The following HFM1 variants were observed in gnomAD, a reference collection of about 807,000 sequenced individuals.
HFM1 encodes the protein probable ATP-dependent DNA helicase HFM1.
A neutral mutation model predicts 192.1 loss-of-function variants in HFM1; 169 were observed. The ratio of observed to expected loss-of-function variants is 0.88; its 90% confidence interval spans 0.78 to 1.00. HFM1 has a LOEUF of 1.00. Ranked by LOEUF, HFM1 falls within the 50% of genes least tolerant of loss-of-function variation. The pLI is 0.00. For synonymous variants in HFM1, 525 were observed against 537.8 expected, an observed-to-expected ratio of 0.98 and a Z score of 0.33; for missense variants, 1,661 against 1,668.0, an observed-to-expected ratio of 1.00 and a Z score of 0.07.
intron 30 of HFM1, among the ~76,000 whole-genome samples, chr1:91,277,521 G>A (rs932453431): frequency 9.1e-5 from 13 of 142,326 alleles, no homozygotes; most frequent in Non-Finnish European, 1.8e-4. Context: ...GTGTGTGTGT[G>A]TGTGTGTATA....
intron 30 of HFM1, among the ~76,000 whole-genome samples, chr1:91,286,832 G>T (rs978126017): frequency 6.6e-6 from 1 of 152,210 alleles, no homozygotes; most frequent in East Asian, 1.9e-4. Context: ...GCAAGGCGAG[G>T]CGTTGCCTCA....
chr1:91,348,799 C>T (rs1213430419), intron 18 of HFM1, among the ~76,000 whole-genome samples: 1 of 151,920 alleles, frequency 6.6e-6, no homozygotes, highest in East Asian at 1.9e-4. Context: ...TGGCATGTGC[C>T]TGTAGTACCA....
chr1:91,391,340 A>G (rs282015), intron 4 of HFM1, among the ~76,000 whole-genome samples: 152,154 of 152,338 alleles, frequency 1, 75,985 homozygotes, highest in East Asian at 1. Context: ...CACGCTACCT[A>G]ACTTCAAACT....
At chr1:91,386,070 A>G (rs548341832) in intron 4 of HFM1, among the ~76,000 whole-genome samples, 9 of 152,360 alleles carry the variant, frequency 5.9e-5, no homozygotes, top group South Asian at 2.1e-4. Context: ...AAACAGCCCA[A>G]TGATCCTTGC....
chr1:91,292,782 A>G (rs987711333), intron 30 of HFM1, among the ~76,000 whole-genome samples: 2 of 152,176 alleles, frequency 1.3e-5, no homozygotes, highest in African/African-American at 2.4e-5. Flanking sequence ...TGGAGGCATC[A>G]CACTACCTGA....
At chr1:91,268,564 T>C (rs1004931796) in intron 34 of HFM1, among the ~76,000 whole-genome samples, 1 of 152,024 alleles carries the variant, frequency 6.6e-6, no homozygotes, top group African/African-American at 2.4e-5. Flanking sequence ...CCTTTAGTTG[T>C]ACAGTTTTAC....
intron 34 of HFM1, among the ~76,000 whole-genome samples, chr1:91,268,815 G>A (rs914988486): frequency 1.3e-5 from 2 of 151,964 alleles, no homozygotes; most frequent in African/African-American, 4.8e-5. Flanking sequence ...TGCAAGTGAC[G>A]AATGTAGCTC....
At chr1:91,330,669 C>T (rs1227066891) in intron 20 of HFM1, among the ~76,000 whole-genome samples, 1 of 148,598 alleles carries the variant, frequency 6.7e-6, no homozygotes, top group Non-Finnish European at 1.5e-5. Context: ...CGTTATTACC[C>T]TGATACCACA....
At position 91,279,448 on chromosome 1, in the gene HFM1, A is replaced by G. The variant is rs1184066686; in HGVS notation, c.3392-2386T>C. ...CTCCATGATACAATTTATTCTACAC[A>G]TTGTTGCTTATTTAATACTTTTAAA... On this transcript the variant is annotated intron_variant, in intron 30 of 38. Transcript: ENST00000370425. Among the ~76,000 whole-genome samples the G allele has an allele frequency of 2.6e-5, 4 of 152,258 alleles. 1 individual carries two copies. Among genetic ancestry groups the G allele is most frequent in the African/African-American group, 7.2e-5 (3 of 41,542 alleles).
At chr1:91,397,917 T>C (rs1461987328) in intron 2 of HFM1, among the ~76,000 whole-genome samples, 1 of 152,176 alleles carries the variant, frequency 6.6e-6, no homozygotes, top group Non-Finnish European at 1.5e-5. Context: ...GCCCAGGTTT[T>C]TATTGGGGGC....
intron 30 of HFM1, among the ~76,000 whole-genome samples, chr1:91,299,069 G>T (rs930467202): frequency 5.3e-5 from 8 of 152,080 alleles, no homozygotes; most frequent in African/African-American, 1.9e-4. Flanking sequence ...ACACATATAG[G>T]CTCAAAATAA....
chr1:91,346,994 C>G (rs1350367220), intron 19 of HFM1, among the ~76,000 whole-genome samples: 1 of 152,010 alleles, frequency 6.6e-6, no homozygotes, highest in Non-Finnish European at 1.5e-5. Flanking sequence ...TGGTGGCTCA[C>G]GCCTATAGTC....
intron 30 of HFM1, among the ~76,000 whole-genome samples, chr1:91,284,514 A>G (rs1291658288): frequency 2.0e-5 from 3 of 152,118 alleles, no homozygotes; most frequent in African/African-American, 7.2e-5. Context: ...CGGCCTCCCA[A>G]ATTGTTGAGA....
At chr1:91,294,819 A>T (rs12562636) in intron 30 of HFM1, among the ~76,000 whole-genome samples, 45,189 of 152,102 alleles carry the variant, frequency 0.3, 7,007 homozygotes, top group Non-Finnish European at 0.34. Flanking sequence ...TCCAAAATAC[A>T]TCTTTTGGTG....
chr1:91,369,544 A>G (rs1047309571), intron 13 of HFM1, among the ~76,000 whole-genome samples: 3 of 152,230 alleles, frequency 2.0e-5, no homozygotes, highest in Non-Finnish European at 2.9e-5. Flanking sequence ...TTTGAAACCA[A>G]TGAGAACAAA....
intron 6 of HFM1, among the ~76,000 whole-genome samples, chr1:91,383,976 A>G (rs1037717239): frequency 2.0e-5 from 3 of 152,222 alleles, no homozygotes; most frequent in Middle Eastern, 3.4e-3. Context: ...AAGCTGGGGG[A>G]AAAAATAAAA....
chr1:91,313,805 G>A (rs1253638754), intron 29 of HFM1, 152 bp downstream of exon 29: 2 of 467,084 alleles, frequency 4.3e-6, no homozygotes, highest in Non-Finnish European at 7.6e-6. Flanking sequence ...CTAAATACAT[G>A]AAACTTCCTT....
intron 36 of HFM1, among the ~76,000 whole-genome samples, chr1:91,264,361 A>ATTTTCTTTTTTTTTTTT (rs1665484331): frequency 1.8e-5 from 1 of 57,058 alleles, no homozygotes; most frequent in African/African-American, 7.9e-5. Context: ...CAAATTTAGT[A>ATTTTCTTTTTTTTTTTT]TTTTTTTTTT....
intron 20 of HFM1, chr1:91,339,088 T>C (rs530569690): frequency 2.2e-6 from 1 of 449,932 alleles, no homozygotes; most frequent in Admixed American, 2.4e-5. Flanking sequence ...CTCAATGACA[T>C]CAAGGAATAT....
Sources: allele counts gnomAD v4.1 joint callset (sites outside exome capture counted in the v4.1 genomes callset), GRCh38; gene constraint gnomAD v4.1.1; transcripts MANE v1.5; gene names NCBI Gene and HGNC (gene_info 2026-07-23, HGNC 2026-07-21).